RSU1: variants seen among roughly 807,000 people sequenced by gnomAD.
RSU1 encodes the protein rsu-1.
RSU1 carries 26 observed loss-of-function variants against 31.1 expected under a neutral mutation model. The observed-to-expected ratio is 0.84, with a 90% confidence interval of 0.61 to 1.16. The LOEUF (loss-of-function observed/expected upper bound fraction) is 1.16, where lower values mean the gene tolerates loss of function less well. Among genes scored for constraint, RSU1 ranks in the 50% most tolerant of loss-of-function variants. The probability of loss-of-function intolerance (pLI) is 0.00; values close to 1 mark genes in which losing one functional copy is unlikely to be tolerated. For missense variants in RSU1, 320 were observed against 339.1 expected, an observed-to-expected ratio of 0.94 and a Z score of 0.44; for synonymous variants, 164 against 136.3, an observed-to-expected ratio of 1.20 and a Z score of -1.41.
intron 7 of RSU1, among the ~76,000 whole-genome samples, chr10:16,742,110 T>C (rs1836766963): frequency 6.6e-6 from 1 of 152,270 alleles, no homozygotes; most frequent in South Asian, 2.1e-4. Flanking sequence ...CAGAGAGTAC[T>C]AGGCGTGTTA....
At chr10:16,595,544 G>T (rs1833596887) in intron 8 of RSU1, among the ~76,000 whole-genome samples, 1 of 152,186 alleles carries the variant, frequency 6.6e-6, no homozygotes, top group African/African-American at 2.4e-5. Flanking sequence ...GCATCAAGAA[G>T]TTTCCATATG....
At chr10:16,639,427 C>T (rs1453882718) in intron 8 of RSU1, among the ~76,000 whole-genome samples, 2 of 152,122 alleles carry the variant, frequency 1.3e-5, no homozygotes, top group African/African-American at 2.4e-5. Context: ...AATAAAGAAC[C>T]TTTTATCTCT....
chr10:16,668,688 ATTT>A (rs1236899439), intron 8 of RSU1, among the ~76,000 whole-genome samples: 1 of 151,994 alleles, frequency 6.6e-6, no homozygotes, highest in East Asian at 1.9e-4. Flanking sequence ...GAGCATTCCT[ATTT>A]TGTCTCCTTT....
At chr10:16,611,958 G>A (rs928918404) in intron 8 of RSU1, among the ~76,000 whole-genome samples, 2 of 152,202 alleles carry the variant, frequency 1.3e-5, no homozygotes, top group Non-Finnish European at 2.9e-5. Flanking sequence ...CCTTAGACAA[G>A]TTACCTAACC....
At chr10:16,763,351 G>C (rs1837246531) in intron 4 of RSU1, among the ~76,000 whole-genome samples, 1 of 152,168 alleles carries the variant, frequency 6.6e-6, no homozygotes. Flanking sequence ...GGAAGTCTCA[G>C]GGAGCTTTTA....
chr10:16,652,402 A>G (rs998792159), intron 8 of RSU1, among the ~76,000 whole-genome samples: 1 of 151,274 alleles, frequency 6.6e-6, no homozygotes, highest in African/African-American at 2.4e-5. Flanking sequence ...CAAAAAAAAA[A>G]AAAAAAAAAA....
intron 8 of RSU1, among the ~76,000 whole-genome samples, chr10:16,604,854 C>T (rs765773129): frequency 2.6e-5 from 4 of 152,070 alleles, no homozygotes; most frequent in African/African-American, 4.8e-5. Context: ...CAAGAGCCAG[C>T]GAGAAAAACA....
At chr10:16,597,090 C>T (rs948136880) in intron 8 of RSU1, among the ~76,000 whole-genome samples, 24 of 152,102 alleles carry the variant, frequency 1.6e-4, no homozygotes, top group African/African-American at 5.8e-4. Context: ...TAGCAATACC[C>T]GAGTGTAAGG....
At chr10:16,638,565 G>C (rs771396113) in intron 8 of RSU1, among the ~76,000 whole-genome samples, 1 of 152,164 alleles carries the variant, frequency 6.6e-6, no homozygotes, top group Non-Finnish European at 1.5e-5. Flanking sequence ...TCCTCACAGG[G>C]GGCTCTTTGA....
chr10:16,602,988 T>A (rs1464408423), intron 8 of RSU1, among the ~76,000 whole-genome samples: 1 of 152,164 alleles, frequency 6.6e-6, no homozygotes, highest in African/African-American at 2.4e-5. Flanking sequence ...AGAAAAAAAA[T>A]TAACAGTTAC....
At chr10:16,668,999 C>T (rs1026763433) in intron 8 of RSU1, among the ~76,000 whole-genome samples, 2 of 152,128 alleles carry the variant, frequency 1.3e-5, no homozygotes, top group African/African-American at 4.8e-5. Flanking sequence ...AGAGGTGGTG[C>T]ACTTTTCCTT....
rs1833499963 is a variant in RSU1 at position 16,591,251 on chromosome 10, G to C, written c.*2143C>G. On this transcript the variant is annotated 3_prime_UTR_variant, in exon 9 of 9. Coordinates refer to ENST00000345264, the MANE Select transcript of RSU1 (RefSeq NM_012425.4). ...TTTAATGTCATAAAAGCCTCATGCAGACACACCGTAATTCATTGAACCCCT... is the reference window on the plus strand; with the variant it reads ...TTTAATGTCATAAAAGCCTCATGCACACACACCGTAATTCATTGAACCCCT... 6.6e-6 allele frequency: 1 copy of C among 152,196 alleles called. No individual in the cohort carries two copies. The highest frequency in any genetic ancestry group is 1.5e-5 in the Non-Finnish European group (1 of 68,062). 9.4% of individuals were successfully genotyped at this position (152,196 alleles called of 1,614,324 possible).
chr10:16,805,938 C>A (rs903918517), intron 2 of RSU1, among the ~76,000 whole-genome samples: 1 of 152,106 alleles, frequency 6.6e-6, no homozygotes, highest in Non-Finnish European at 1.5e-5. Context: ...TCCATTGGAA[C>A]TACCAGTATA....
intron 7 of RSU1, among the ~76,000 whole-genome samples, chr10:16,724,151 C>T (rs1836336527): frequency 6.6e-6 from 1 of 152,036 alleles, no homozygotes; most frequent in Admixed American, 6.5e-5. Context: ...CCATGTTGGC[C>T]AGGCTGGTCT....
At chr10:16,690,938 G>A (rs1402725241) in intron 8 of RSU1, among the ~76,000 whole-genome samples, 1 of 152,108 alleles carries the variant, frequency 6.6e-6, no homozygotes, top group Non-Finnish European at 1.5e-5. Flanking sequence ...GCAACACACA[G>A]ACACTGATAA....
intron 7 of RSU1, among the ~76,000 whole-genome samples, chr10:16,751,324 T>G (rs1289108750): frequency 6.6e-6 from 1 of 152,230 alleles, no homozygotes; most frequent in African/African-American, 2.4e-5. Context: ...AATCATTAAA[T>G]AATCCTCTAG....
chr10:16,723,460 G>A lies in RSU1; in HGVS notation c.599-28305C>T, dbSNP rs572103615. ...CTAGAACAAAAAGCACCTCCCTACA[G>A]TTCAGTCAAGCATTTGAGCAAGAGC... is the stretch of plus-strand genomic sequence containing the variant. On this transcript the variant is annotated intron_variant, in intron 7 of 8. Coordinates refer to ENST00000345264, the MANE Select transcript of RSU1 (RefSeq NM_012425.4). Among the ~76,000 whole-genome samples, 5 of 152,272 alleles carry A rather than the reference G, an allele frequency of 3.3e-5. No individual in the cohort carries two copies. In the South Asian group the frequency reaches 1.0e-3, roughly 32 times the overall value.
At chr10:16,740,473 A>G (rs571695522) in intron 7 of RSU1, among the ~76,000 whole-genome samples, 1 of 152,318 alleles carries the variant, frequency 6.6e-6, no homozygotes, top group African/African-American at 2.4e-5. Flanking sequence ...TATATTCCAC[A>G]CTGTACTAGA....
rs1431454805 is a variant in RSU1, at chr10:16,669,018, T to C, written c.731+26005A>G. ...GTGGTGCACTTTTCCTTTAATACTG[T>C]TGTGCTTTCTGTAGCGGTTCAAGCC... On this transcript the variant is annotated intron_variant, in intron 8 of 8. Coordinates refer to ENST00000345264, the MANE Select transcript of RSU1 (RefSeq NM_012425.4). Among the ~76,000 whole-genome samples, 3 of 152,218 alleles carry C rather than the reference T, an allele frequency of 2.0e-5. No individual in the cohort carries two copies. The South Asian group carries it at 6.2e-4, about 32-fold the overall frequency.
Sources: gnomAD v4.1 joint callset for allele counts (sites outside exome capture counted in the v4.1 genomes callset) on GRCh38, gnomAD v4.1.1 for gene constraint, MANE v1.5 for transcripts, NCBI Gene and HGNC (gene_info 2026-07-23, HGNC 2026-07-21) for gene names.